SLC6A3: variants seen among roughly 807,000 people sequenced by gnomAD.
SLC6A3 encodes solute carrier family 6 member 3, also known as sodium-dependent dopamine transporter.
In SLC6A3, 19 loss-of-function variants were observed where a neutral mutation model predicts 70.4. That is an observed-to-expected ratio of 0.27 (90% confidence interval 0.19 to 0.40). The LOEUF is 0.40. Among genes scored for constraint, SLC6A3 ranks in the 10% least tolerant of loss-of-function variants. The pLI is 1.00. For synonymous variants in SLC6A3, 368 were observed against 356.6 expected, an observed-to-expected ratio of 1.03 and a Z score of -0.36; for missense variants, 613 against 838.5, an observed-to-expected ratio of 0.73 and a Z score of 3.32.
chr5:1,443,126 C>T lies in SLC6A3; in HGVS notation c.72G>A (p.Val24=). 1.9e-6 allele frequency: 3 copies of T among 1,614,248 alleles called. No homozygotes were observed. The highest frequency in any genetic ancestry group is 2.5e-6 in the Non-Finnish European group (3 of 1,180,048). ...GGATGAGCTCCACCTCCTTCGGGCC[C>T]ACGGCATTGGGCTCCTTAGCCGGGG... ...VVAPAKEPNA[V]GPKEVELILV... Residue 24 remains valine, a synonymous_variant, in exon 2 of 15, where the codon GTG becomes GTA. Transcript: ENST00000270349.
intron 3 of SLC6A3, among the ~76,000 whole-genome samples, chr5:1,439,015 C>A (rs1756904859): frequency 6.6e-6 from 1 of 152,232 alleles, no homozygotes; most frequent in South Asian, 2.1e-4. Context: ...TGAAACACGT[C>A]CGTGCCGCTG....
rs969663848 is a variant in SLC6A3 at position 1,421,264 on chromosome 5, G to A, written c.793-561C>T. ...ATGATCTTGGCTCACTGCAACCTCC[G>A]CCTCCTGGGTTCAAGCAATTCTCCT... On this transcript the variant is annotated intron_variant, in intron 5 of 14. Coordinates refer to ENST00000270349, the MANE Select transcript of SLC6A3 (RefSeq NM_001044.5). This position sits in a 1 kb window ranked among gnomAD's most constrained non-coding sequence, Gnocchi z 7.2. Among the ~76,000 whole-genome samples the A allele has an allele frequency of 1.0e-4, 15 of 149,900 alleles. No individual in the cohort carries two copies. The highest frequency in any genetic ancestry group is 4.0e-4 in the Admixed American group (6 of 14,934).
rs1000056633 is a variant in SLC6A3, at chr5:1,401,069, C to T, written c.1768-83G>A. On this transcript the variant is annotated intron_variant, in intron 13 of 14. Coordinates refer to ENST00000270349, the MANE Select transcript of SLC6A3 (RefSeq NM_001044.5). This position sits in a 1 kb window ranked among gnomAD's most constrained non-coding sequence, Gnocchi z 6.1. ...ACCACTGACTCACACTGCCAGGACC[C>T]TCACCTACCAGCACCCTCACCACCA... The T allele has an allele frequency of 1.9e-6, 2 of 1,051,296 alleles. No individual in the cohort carries two copies. The highest frequency in any genetic ancestry group is 3.1e-5 in the African/African-American group (2 of 63,606). 65.1% of individuals were successfully genotyped at this position (1,051,296 alleles called of 1,614,324 possible).
rs1756028838 is a variant in SLC6A3, at chr5:1,408,164, C to T, written c.1498+862G>A. On this transcript the variant is annotated intron_variant, in intron 11 of 14. Coordinates refer to ENST00000270349, the MANE Select transcript of SLC6A3 (RefSeq NM_001044.5). The surrounding 1 kb of genome is among the most constrained non-coding windows in gnomAD (Gnocchi z 6.4). The stretch of plus-strand genomic sequence containing the variant: ...CTTCAGAAAATCTACAGCCTCCTGA[C>T]TAGCTGGGATTATAGCCTTGTGCCA... Among the ~76,000 whole-genome samples, 1 of 151,196 alleles carries T rather than the reference C, an allele frequency of 6.6e-6. No individual in the cohort carries two copies. Among genetic ancestry groups the T allele is most frequent in the African/African-American group, 2.4e-5 (1 of 40,988 alleles).
At chr5:1,400,062 G>T (rs1259495393) in intron 14 of SLC6A3, among the ~76,000 whole-genome samples, 1 of 152,222 alleles carries the variant, frequency 6.6e-6, no homozygotes, top group East Asian at 1.9e-4. Context: ...TGGGGCCGCG[G>T]TGCCCTCCAC....
At chr5:1,398,273 A>C (rs1031947670) in intron 14 of SLC6A3, among the ~76,000 whole-genome samples, 1 of 151,208 alleles carries the variant, frequency 6.6e-6, no homozygotes, top group African/African-American at 2.4e-5. Context: ...AGGCAGGACA[A>C]TTGCTTGAAC....
chr5:1,430,723 G>A lies in SLC6A3; in HGVS notation c.653+1741C>T, dbSNP rs1353008819. 3.3e-5 allele frequency among the ~76,000 whole-genome samples: 5 copies of A among 152,220 alleles called. No homozygotes were observed. The East Asian group carries it at 9.7e-4, about 29-fold the overall frequency. Reference sequence around the variant, plus strand: ...CTCTGGGAGGCTGTGCGCCCCGAAGGTGCCCTTGCAGACCAAGACCAAAGT... The same window carrying A: ...CTCTGGGAGGCTGTGCGCCCCGAAGATGCCCTTGCAGACCAAGACCAAAGT... On this transcript the variant is annotated intron_variant, in intron 4 of 14. Transcript: ENST00000270349.
rs1395630486 is a variant in SLC6A3, at chr5:1,404,256, C to A, written c.1600-1167G>T. ...GGCTGGGGTTGTGTCTGTCACGTGA[C>A]CAGAGCCAGGGTGAGCAGCACTTTG... On this transcript the variant is annotated intron_variant, in intron 12 of 14. Transcript: ENST00000270349. The surrounding 1 kb of genome is among the most constrained non-coding windows in gnomAD (Gnocchi z 5.2). Among the ~76,000 whole-genome samples, 1 of 152,182 alleles carries A rather than the reference C, an allele frequency of 6.6e-6. No individual in the cohort carries two copies. The highest frequency in any genetic ancestry group is 2.4e-5 in the African/African-American group (1 of 41,444).
In SLC6A3 at chr5:1,405,025, T is replaced by C. The variant is rs144010514; in HGVS notation, c.1599+1163A>G. 3.6e-3 allele frequency among the ~76,000 whole-genome samples: 546 copies of C among 152,226 alleles called. 6 individuals carry two copies. Among genetic ancestry groups the C allele is most frequent in the African/African-American group, 0.013 (524 of 41,540 alleles). On this transcript the variant is annotated intron_variant, in intron 12 of 14. Coordinates refer to ENST00000270349, the MANE Select transcript of SLC6A3 (RefSeq NM_001044.5). The surrounding 1 kb of genome is among the most constrained non-coding windows in gnomAD (Gnocchi z 5.3). Reference sequence around the variant, plus strand: ...GCGGGAGGTGGGCAGGAGGCTGACTTTCTGGGAGGGCTTCCTCACTTTCCC... The same window carrying C: ...GCGGGAGGTGGGCAGGAGGCTGACTCTCTGGGAGGGCTTCCTCACTTTCCC...
intron 4 of SLC6A3, among the ~76,000 whole-genome samples, chr5:1,431,070 TCTC>T (rs3056480): frequency 0.098 from 14,857 of 152,246 alleles, 986 homozygotes; most frequent in Non-Finnish European, 0.13. Flanking sequence ...GCAAACGTCC[TCTC>T]CTCCTCTCCA....
At chr5:1,400,316 T>C (rs1755815307) in intron 14 of SLC6A3, among the ~76,000 whole-genome samples, 1 of 152,000 alleles carries the variant, frequency 6.6e-6, no homozygotes, top group African/African-American at 2.4e-5. Flanking sequence ...CCTCTTAGGG[T>C]TGTGGGAGTA....
At position 1,441,479 on chromosome 5, in the gene SLC6A3, C is replaced by G. The variant is rs1733662535; in HGVS notation, c.298G>C (p.Val100Leu). ...ATGACCATGAAGAGCAGGTAGGGGA[C>G]CAGGAAGGCACCTGTGGGGCAGAAA... ...CYKNGGGAFL[V>L]PYLLFMVIAG... Residue 100 changes from valine to leucine, a missense_variant, in exon 3 of 15, where the codon GTC becomes CTC. Transcript: ENST00000270349. 1 of 1,614,058 alleles carries G rather than the reference C, an allele frequency of 6.2e-7. No homozygotes were observed. Among genetic ancestry groups the G allele is most frequent in the African/African-American group, 1.3e-5 (1 of 75,056 alleles).
At chr5:1,417,584 G>A (rs1756336282) in intron 6 of SLC6A3, among the ~76,000 whole-genome samples, 1 of 152,244 alleles carries the variant, frequency 6.6e-6, no homozygotes, top group African/African-American at 2.4e-5. Context: ...AAAGGTGGGT[G>A]GGTCCACGAT....
Position 1,436,208 on chromosome 5 carries a change from G to T in SLC6A3, c.419-3510C>A, listed in dbSNP as rs1198443433. ...AGAGCCCGTGACCTGGGCCACTGAC[G>T]TGTAGCCCCTCACCAACCAGCCAAC... On this transcript the variant is annotated intron_variant, in intron 3 of 14. Coordinates refer to ENST00000270349, the MANE Select transcript of SLC6A3 (RefSeq NM_001044.5). This position sits in a 1 kb window ranked among gnomAD's most constrained non-coding sequence, Gnocchi z 5.2. Among the ~76,000 whole-genome samples the T allele has an allele frequency of 6.6e-6, 1 of 152,368 alleles. No homozygotes were observed. Among genetic ancestry groups the T allele is most frequent in the East Asian group, 1.9e-4 (1 of 5,188 alleles).
rs553219765 is a variant in SLC6A3, at chr5:1,403,086, C to T, written c.1603G>A (p.Val535Met). The T allele has an allele frequency of 3.1e-5, 50 of 1,613,490 alleles. No homozygotes were observed. The highest frequency in any genetic ancestry group is 8.8e-5 in the South Asian group (8 of 91,036). The change falls in exon 13 of 15, where the codon GTG becomes ATG. Residue 535 changes from valine to methionine, a missense_variant. Physicochemically the swap from Val to Met is conservative, Grantham distance 21. Coordinates refer to ENST00000270349, the MANE Select transcript of SLC6A3 (RefSeq NM_001044.5). ...KLVSPCFLLFVVVVSIVTFRP... is the reference protein window; with the variant it reads ...KLVSPCFLLFMVVVSIVTFRP... Reference sequence around the variant, plus strand: ...AAGGTCACAATGCTGACCACGACCACGAACTGCAACCAGCAGATACGGAGG... The same window carrying T: ...AAGGTCACAATGCTGACCACGACCATGAACTGCAACCAGCAGATACGGAGG...
chr5:1,431,199 G>A (rs917721011), intron 4 of SLC6A3, among the ~76,000 whole-genome samples: 1 of 152,274 alleles, frequency 6.6e-6, no homozygotes, highest in Non-Finnish European at 1.5e-5. Context: ...CCAGATTCCG[G>A]GAGGGGTCCA....
In SLC6A3 at chr5:1,394,657, C is replaced by CA; in HGVS notation, c.*77_*78insT. The CA allele has an allele frequency of 1.4e-6, 2 of 1,469,898 alleles. No individual in the cohort carries two copies. The highest frequency in any genetic ancestry group is 1.9e-6 in the Non-Finnish European group (2 of 1,048,524). 91.1% of individuals were successfully genotyped at this position (1,469,898 alleles called of 1,614,324 possible). On this transcript the variant is annotated 3_prime_UTR_variant, in exon 15 of 15. Transcript: ENST00000270349. This position sits in a 1 kb window ranked among gnomAD's most constrained non-coding sequence, Gnocchi z 4.7. ...GAGTAGAAGTTGCCCTCCTTTCTCT[C>CA]GAAACTTAGATTTCCTTGGTTTGTT...
At position 1,421,929 on chromosome 5, in the gene SLC6A3, C is replaced by T; in HGVS notation, c.739G>A (p.Val247Ile). Residue 247 changes from valine to isoleucine, a missense_variant, in exon 5 of 15, where the codon GTC becomes ATC. Physicochemically the swap from Val to Ile is conservative, Grantham distance 29 (BLOSUM62 3). This residue lies in a region of SLC6A3 where 153 missense variants were observed against 249.4 expected (regional missense o/e 0.61). Transcript: ENST00000270349. This position sits in a 1 kb window ranked among gnomAD's most constrained non-coding sequence, Gnocchi z 7.2. Reference protein sequence around the residue: ...RWQLTACLVLVIVLLYFSLWK... With the variant: ...RWQLTACLVLIIVLLYFSLWK... ...AGGCTGAAGTAGAGCAGCACGATGA[C>T]CAGCACCAGGCAGGCTGTGAGCTGC... 6.2e-7 allele frequency: 1 copy of T among 1,613,288 alleles called. No homozygotes were observed.
Position 1,397,706 on chromosome 5 carries a change from A to G in SLC6A3, c.1840-2948T>C, listed in dbSNP as rs1312641187. Among the ~76,000 whole-genome samples the G allele has an allele frequency of 6.6e-6, 1 of 152,192 alleles. No homozygotes were observed. The highest frequency in any genetic ancestry group is 1.5e-5 in the Non-Finnish European group (1 of 68,016). ...AGCATAAAGATGTTCCCACACACCA[A>G]TAGTGAGGGAGGTTAGCAAGAGACC... On this transcript the variant is annotated intron_variant, in intron 14 of 14. Transcript: ENST00000270349. This position sits in a 1 kb window ranked among gnomAD's most constrained non-coding sequence, Gnocchi z 4.7.
Sources: gnomAD v4.1 joint callset for allele counts (sites outside exome capture counted in the v4.1 genomes callset) on GRCh38, gnomAD v4.1.1 for gene constraint, gnomAD v4.1.1 regional missense constraint, Gnocchi (gnomAD v3.1) non-coding constraint, MANE v1.5 for transcripts, NCBI Gene and HGNC (gene_info 2026-07-23, HGNC 2026-07-21) for gene names.